Variants in RBM27 observed in about 807,000 individuals in gnomAD.
The protein encoded by RBM27 is RNA binding motif protein 27.
A neutral mutation model predicts 135.3 loss-of-function variants in RBM27; 22 were observed. The observed-to-expected ratio is 0.16, with a 90% CI of 0.12 to 0.23. The LOEUF is 0.23. Among genes scored for constraint, RBM27 ranks in the 10% least tolerant of loss-of-function variants. The probability of loss-of-function intolerance (pLI) is 1.00; values close to 1 mark genes in which losing one functional copy is unlikely to be tolerated. For missense variants in RBM27, 1,009 were observed against 1,281.0 expected, an observed-to-expected ratio of 0.79 and a Z score of 3.24; for synonymous variants, 481 against 442.4, an observed-to-expected ratio of 1.09 and a Z score of -1.10.
chr5:146,271,408 A>G, intron 18 of RBM27, 75 bp from the exon 19 acceptor site: 1 of 1,398,732 alleles, frequency 7.1e-7, no homozygotes, highest in Non-Finnish European at 9.7e-7. Flanking sequence ...CTCAAAAAAA[A>G]AAAAAAAGTT....
At chr5:146,253,825 G>A (rs1757997937) in intron 9 of RBM27, among the ~76,000 whole-genome samples, 1 of 152,128 alleles carries the variant, frequency 6.6e-6, no homozygotes, top group African/African-American at 2.4e-5. Context: ...TCCTAGTTGT[G>A]CTGCTTATTG....
intron 7 of RBM27, among the ~76,000 whole-genome samples, chr5:146,234,519 T>TA (rs5871959): frequency 0.98 from 146,735 of 148,976 alleles, 72,282 homozygotes; most frequent in East Asian, 1. Flanking sequence ...TTTTGTTATT[T>TA]AAAAAAAAAA....
intron 3 of RBM27, among the ~76,000 whole-genome samples, chr5:146,227,176 G>C (rs985577762): frequency 3.3e-5 from 5 of 152,164 alleles, no homozygotes; most frequent in Non-Finnish European, 7.3e-5. Flanking sequence ...CCTGCTTCTG[G>C]AAAAACAACT....
chr5:146,258,590 G>T lies in RBM27; in HGVS notation c.1736G>T (p.Gly579Val). ...EGPLTKKPWLGKQGNNNQNKP... is the reference protein window; with the variant it reads ...EGPLTKKPWLVKQGNNNQNKP... ...CCACTCACAAAGAAACCTTGGCTGG[G>T]AAAGTAAGATAATTTGCTAATTAGT... Residue 579 changes from glycine to valine, a missense_variant, in exon 11 of 21, where the codon GGA becomes GTA. Gly to Val is a moderately radical substitution (Grantham distance 109, BLOSUM62 -3). Transcript: ENST00000265271. The T allele has an allele frequency of 6.4e-7, 1 of 1,565,934 alleles. No homozygotes were observed. The highest frequency in any genetic ancestry group is 1.2e-5 in the South Asian group (1 of 82,770).
chr5:146,216,300 A>G (rs1756191568), intron 1 of RBM27, among the ~76,000 whole-genome samples: 2 of 152,320 alleles, frequency 1.3e-5, no homozygotes, highest in Non-Finnish European at 2.9e-5. Flanking sequence ...GGCCTCCCAC[A>G]GGTGTGAGCC....
chr5:146,218,373 CTTTCTG>C (rs1036640190), intron 1 of RBM27, among the ~76,000 whole-genome samples: 2 of 152,122 alleles, frequency 1.3e-5, no homozygotes, highest in African/African-American at 2.4e-5. Flanking sequence ...TTCTCTTTTC[CTTTCTG>C]TTTCTAACTC....
rs570434716 is a variant in RBM27 at position 146,230,936 on chromosome 5, T to C, written c.850+19T>C. The C allele has an allele frequency of 5.6e-6, 9 of 1,611,930 alleles. No individual in the cohort carries two copies. In the African/African-American group the frequency reaches 9.3e-5, roughly 17 times the overall value. On this transcript the variant is annotated intron_variant, in intron 6 of 20. Coordinates refer to ENST00000265271, the MANE Select transcript of RBM27 (RefSeq NM_018989.2). Reference sequence around the variant, plus strand: ...TATGATGGTAAAAATCACCACCTTTTCTCATATTGTGCCCAAAAGTACTAG... The same window carrying C: ...TATGATGGTAAAAATCACCACCTTTCCTCATATTGTGCCCAAAAGTACTAG...
chr5:146,213,861 C>T (rs1455430768), intron 1 of RBM27, among the ~76,000 whole-genome samples: 1 of 152,140 alleles, frequency 6.6e-6, no homozygotes, highest in Non-Finnish European at 1.5e-5. Flanking sequence ...AATTTGTTGA[C>T]TTTTATTTTT....
chr5:146,224,969 T>C (rs1436180918), intron 3 of RBM27, among the ~76,000 whole-genome samples: 2 of 152,206 alleles, frequency 1.3e-5, no homozygotes, highest in East Asian at 3.8e-4. Flanking sequence ...AGTACTTCAG[T>C]GTGTATTTCC....
At chr5:146,222,927 A>G (rs1756518119) in intron 2 of RBM27, among the ~76,000 whole-genome samples, 1 of 152,212 alleles carries the variant, frequency 6.6e-6, no homozygotes, top group African/African-American at 2.4e-5. Flanking sequence ...GTATACCATG[A>G]AAGTCTCTTA....
At position 146,282,612 on chromosome 5, in the gene RBM27, A is replaced by G. The variant is rs74920857; in HGVS notation, c.2989-2010A>G. On this transcript the variant is annotated intron_variant, in intron 19 of 20. Transcript: ENST00000265271. The stretch of plus-strand genomic sequence containing the variant: ...TTGCATTAGATATTATAAGTAATCT[A>G]GAGAGGATTCAAAGTATATAGGAGA... Among the ~76,000 whole-genome samples, 1,264 of 152,344 alleles carry G rather than the reference A, an allele frequency of 8.3e-3. 14 individuals carry two copies. The highest frequency in any genetic ancestry group is 0.029 in the African/African-American group (1,204 of 41,572).
At chr5:146,269,370 A>G (rs1276299888) in intron 16 of RBM27, 50 bp from the exon 17 acceptor site, 6 of 1,485,912 alleles carry the variant, frequency 4.0e-6, no homozygotes, top group Non-Finnish European at 5.4e-6. Flanking sequence ...AGACTTCTTT[A>G]TATTAAAGTT....
In RBM27 at chr5:146,258,503, A is replaced by G. The variant is rs766928728; in HGVS notation, c.1649A>G (p.Asn550Ser). The G allele has an allele frequency of 2.5e-6, 4 of 1,605,216 alleles. No individual in the cohort carries two copies. Among genetic ancestry groups the G allele is most frequent in the Admixed American group, 3.4e-5 (2 of 58,844 alleles). The change falls in exon 11 of 21, where the codon AAC becomes AGC. Residue 550 changes from asparagine (N) to serine (S), a missense_variant. Transcript: ENST00000265271. ...EPPVPVSINSNITRVVLEPDS... is the reference protein window; with the variant it reads ...EPPVPVSINSSITRVVLEPDS... ...CCAGTTCCTGTTTCGATTAATAGCAACATAACCAGAGTAGTTCTTGAACCA... is the reference window on the plus strand; with the variant it reads ...CCAGTTCCTGTTTCGATTAATAGCAGCATAACCAGAGTAGTTCTTGAACCA...
intron 16 of RBM27, 60 bp downstream of exon 16, chr5:146,269,341 T>A: frequency 6.7e-7 from 1 of 1,488,308 alleles, no homozygotes; most frequent in Admixed American, 2.1e-5. Context: ...ATTTTAAAAG[T>A]ATTATTCATA....
intron 1 of RBM27, among the ~76,000 whole-genome samples, chr5:146,211,511 C>T (rs1395565053): frequency 1.2e-4 from 9 of 74,096 alleles, no homozygotes; most frequent in African/African-American, 2.7e-4. Context: ...AGAGGAGTTT[C>T]GCTCTTGTTG....
rs545628798 is a variant in RBM27, at chr5:146,222,614, G to A, written c.179-789G>A. ...CAGGAGAATCACTTGAACCCAGGAGGTGGAGGTTGCTGTGAGCTGAGATCG... is the reference window on the plus strand; with the variant it reads ...CAGGAGAATCACTTGAACCCAGGAGATGGAGGTTGCTGTGAGCTGAGATCG... On this transcript the variant is annotated intron_variant, in intron 2 of 20. Coordinates refer to ENST00000265271, the MANE Select transcript of RBM27 (RefSeq NM_018989.2). 8.5e-5 allele frequency among the ~76,000 whole-genome samples: 13 copies of A among 152,314 alleles called. No homozygotes were observed. In the South Asian group the frequency reaches 2.3e-3, roughly 27 times the overall value.
chr5:146,260,486 A>T (rs1219551041), intron 11 of RBM27, among the ~76,000 whole-genome samples: 1 of 152,120 alleles, frequency 6.6e-6, no homozygotes, highest in Non-Finnish European at 1.5e-5. Flanking sequence ...GGCCTCTCAG[A>T]GTGCTGGCGT....
chr5:146,254,639 C>T (rs532581229), intron 9 of RBM27, among the ~76,000 whole-genome samples: 95 of 152,032 alleles, frequency 6.2e-4, no homozygotes, highest in African/African-American at 1.9e-3. Context: ...CAGCTATTTA[C>T]GTAGCATTTA....
Position 146,252,933 on chromosome 5 carries a change from G to A in RBM27, c.1444+1058G>A, listed in dbSNP as rs1300159580. 2.0e-5 allele frequency among the ~76,000 whole-genome samples: 3 copies of A among 152,170 alleles called. No individual in the cohort carries two copies. In the East Asian group the frequency reaches 5.8e-4, roughly 29 times the overall value. On this transcript the variant is annotated intron_variant, in intron 9 of 20. Transcript: ENST00000265271. The stretch of plus-strand genomic sequence containing the variant: ...TGAAGCCCCCAAAATACTCTTTGGC[G>A]GATAACTATAATCATAGTCCTGTAA...
Sources: allele counts gnomAD v4.1 joint callset (sites outside exome capture counted in the v4.1 genomes callset), GRCh38; gene constraint gnomAD v4.1.1; transcripts MANE v1.5; gene names NCBI Gene and HGNC (gene_info 2026-07-23, HGNC 2026-07-21).